Variants in HACL2 observed in about 807,000 individuals in gnomAD.
HACL2 encodes 2-hydroxyacyl-CoA lyase 2, also known as 2-hydroxyacyl-CoA lyase 1 like.
chr19:15,121,238 G>A, the HACL2 span, among the ~76,000 whole-genome samples: 1 of 152,064 alleles, frequency 6.6e-6, no homozygotes, highest in African/African-American at 2.4e-5. Flanking sequence ...CAACCTGGGG[G>A]ACAAAGCGAG....
At chr19:15,123,473 G>A in the HACL2 span, 23 of 1,614,054 alleles carry the variant, frequency 1.4e-5, no homozygotes, top group South Asian at 2.2e-5. The surrounding 1 kb of genome is among the most constrained non-coding windows in gnomAD (Gnocchi z 5.1). Flanking sequence ...CACCAGCAGC[G>A]GGGAAATGTG....
chr19:15,115,173 C>T, the HACL2 span: 1 of 1,548,294 alleles, frequency 6.5e-7, no homozygotes, highest in Non-Finnish European at 8.9e-7. Flanking sequence ...AGGCCCAGGG[C>T]AAGCAATGAT....
the HACL2 span, chr19:15,123,187 C>T: frequency 6.2e-6 from 10 of 1,613,976 alleles, no homozygotes; most frequent in Non-Finnish European, 8.5e-6. The surrounding 1 kb of genome is among the most constrained non-coding windows in gnomAD (Gnocchi z 5.1). Context: ...TTCTTCACCG[C>T]AGTCACCGTG....
At chr19:15,122,244 T>C in the HACL2 span, among the ~76,000 whole-genome samples, 1,199 of 152,106 alleles carry the variant, frequency 7.9e-3, 20 homozygotes, top group African/African-American at 0.027. This position sits in a 1 kb window ranked among gnomAD's most constrained non-coding sequence, Gnocchi z 4.0. Context: ...TTTGGGCAAG[T>C]GACTTCACCT....
the HACL2 span, chr19:15,115,959 AG>A: frequency 6.2e-7 from 1 of 1,614,078 alleles, no homozygotes; most frequent in African/African-American, 1.3e-5. Flanking sequence ...AGGGTGGATC[AG>A]GACCTAGAGA....
chr19:15,123,300 T>C, the HACL2 span: 2 of 1,605,772 alleles, frequency 1.2e-6, no homozygotes, highest in Non-Finnish European at 1.7e-6. This position sits in a 1 kb window ranked among gnomAD's most constrained non-coding sequence, Gnocchi z 5.1. Flanking sequence ...CTTCCACCTC[T>C]GAAAAACCCC....
the HACL2 span, chr19:15,116,553 AGCT>A: frequency 6.4e-7 from 1 of 1,564,906 alleles, no homozygotes; most frequent in Non-Finnish European, 8.7e-7. Flanking sequence ...AGCTGTGGGG[AGCT>A]GGCTTCCTCC....
At chr19:15,115,355 T>C in the HACL2 span, 15 of 1,614,102 alleles carry the variant, frequency 9.3e-6, no homozygotes, top group Admixed American at 2.0e-4. Flanking sequence ...GTGCAGCACC[T>C]TGACCACCTG....
the HACL2 span, chr19:15,125,102 C>A: frequency 1.5e-5 from 23 of 1,487,382 alleles, no homozygotes; most frequent in Admixed American, 4.8e-5. Context: ...CAGACTTGGG[C>A]GCGACAGGGA....
At chr19:15,121,492 AG>A in the HACL2 span, among the ~76,000 whole-genome samples, 3 of 152,092 alleles carry the variant, frequency 2.0e-5, no homozygotes, top group African/African-American at 7.2e-5. Context: ...GAAGAGGAAG[AG>A]GAGGAGGAGA....
the HACL2 span, chr19:15,116,431 G>A: frequency 6.2e-7 from 1 of 1,613,966 alleles, no homozygotes; most frequent in South Asian, 1.1e-5. Context: ...CCTTCTGCCG[G>A]TCGGCTTCCC....
the HACL2 span, chr19:15,123,879 C>T: frequency 2.3e-6 from 1 of 440,316 alleles, no homozygotes; most frequent in African/African-American, 2.0e-5. The surrounding 1 kb of genome is among the most constrained non-coding windows in gnomAD (Gnocchi z 5.1). Flanking sequence ...CTGCCTGTCT[C>T]CAGGATGGCA....
the HACL2 span, among the ~76,000 whole-genome samples, chr19:15,121,812 CAAAAAA>C: frequency 2.4e-5 from 2 of 84,870 alleles, no homozygotes; most frequent in Middle Eastern, 6.1e-3. Context: ...GAATCTGTTT[CAAAAAA>C]AAAAAAAAAG....
the HACL2 span, among the ~76,000 whole-genome samples, chr19:15,118,761 A>G: frequency 6.6e-6 from 1 of 152,038 alleles, no homozygotes; most frequent in Non-Finnish European, 1.5e-5. Context: ...GGGGTGAAGA[A>G]CTCTATGACC....
chr19:15,119,442 G>A, the HACL2 span: 7 of 1,614,066 alleles, frequency 4.3e-6, no homozygotes, highest in East Asian at 1.6e-4. Context: ...AGACGTTGGG[G>A]TGAGCAGGGC....
chr19:15,124,857 G>A, the HACL2 span: 2 of 1,540,092 alleles, frequency 1.3e-6, no homozygotes, highest in Non-Finnish European at 1.8e-6. Context: ...GAGTGAGCTG[G>A]AAGCAGCACC....
At chr19:15,124,091 T>C in the HACL2 span, 1 of 159,106 alleles carries the variant, frequency 6.3e-6, no homozygotes, top group African/African-American at 2.4e-5. Context: ...CAGGGCTTAG[T>C]TGACAGGCTG....
At chr19:15,115,285 C>T in the HACL2 span, 1 of 1,614,060 alleles carries the variant, frequency 6.2e-7, no homozygotes, top group Non-Finnish European at 8.5e-7. Flanking sequence ...GGAAGTCCGT[C>T]CTCCCAATGA....
the HACL2 span, among the ~76,000 whole-genome samples, chr19:15,121,223 C>T: frequency 4.6e-5 from 7 of 152,258 alleles, no homozygotes; most frequent in African/African-American, 1.4e-4. Flanking sequence ...CGCACTACTG[C>T]GCTCCAACCT....
Sources: allele counts gnomAD v4.1 joint callset (sites outside exome capture counted in the v4.1 genomes callset), GRCh38; gene constraint gnomAD v4.1.1; non-coding constraint Gnocchi (gnomAD v3.1); transcripts MANE v1.5; gene names NCBI Gene and HGNC (gene_info 2026-07-23, HGNC 2026-07-21).